TM4SF4: variants seen among roughly 807,000 people sequenced by gnomAD.
TM4SF4 encodes the protein transmembrane 4 L6 family member 4.
A neutral mutation model predicts 24.1 loss-of-function variants in TM4SF4; 24 were observed. That is an observed-to-expected ratio of 1.00 (90% CI 0.72 to 1.40). The LOEUF (loss-of-function observed/expected upper bound fraction) is 1.40. Ranked by LOEUF, TM4SF4 falls within the 40% of genes most tolerant of loss-of-function variation. The pLI, the probability that TM4SF4 is intolerant of heterozygous loss-of-function variation, is 0.00. For synonymous variants in TM4SF4, 113 were observed against 97.0 expected, an observed-to-expected ratio of 1.17 and a Z score of -0.97; for missense variants, 254 against 254.2, an observed-to-expected ratio of 1.00 and a Z score of 0.01.
intron 2 of TM4SF4, among the ~76,000 whole-genome samples, chr3:149,476,404 C>A (rs1360313381): frequency 6.6e-6 from 1 of 152,232 alleles, no homozygotes; most frequent in Non-Finnish European, 1.5e-5. Flanking sequence ...TGAGGCCCAG[C>A]GCCTCTGGCT....
intron 3 of TM4SF4, among the ~76,000 whole-genome samples, chr3:149,492,715 C>T (rs74416039): frequency 2.6e-5 from 4 of 152,184 alleles, no homozygotes; most frequent in East Asian, 3.9e-4. Flanking sequence ...GTTCAGACAC[C>T]GAGACACTGA....
intron 3 of TM4SF4, among the ~76,000 whole-genome samples, chr3:149,498,241 C>T (rs1403366433): frequency 6.6e-6 from 1 of 152,194 alleles, no homozygotes; most frequent in African/African-American, 2.4e-5. Flanking sequence ...GACAAGTCAT[C>T]TGTCAAAAGT....
At chr3:149,485,850 G>T (rs900423728) in intron 2 of TM4SF4, among the ~76,000 whole-genome samples, 8 of 152,168 alleles carry the variant, frequency 5.3e-5, no homozygotes, top group Non-Finnish European at 1.0e-4. Flanking sequence ...TAGAGGCATT[G>T]TGCTGTGATA....
chr3:149,479,856 A>G (rs1734003687), intron 2 of TM4SF4, among the ~76,000 whole-genome samples: 1 of 152,192 alleles, frequency 6.6e-6, no homozygotes, highest in Non-Finnish European at 1.5e-5. Context: ...TTTCTGGAAC[A>G]TTCCCCAGAG....
chr3:149,476,186 C>A (rs1166601303), intron 2 of TM4SF4, among the ~76,000 whole-genome samples: 4 of 152,230 alleles, frequency 2.6e-5, no homozygotes, highest in African/African-American at 9.6e-5. Context: ...GTCCCATATA[C>A]AGAATGCAAG....
intron 2 of TM4SF4, among the ~76,000 whole-genome samples, chr3:149,483,869 G>A (rs1341159309): frequency 6.6e-6 from 1 of 151,024 alleles, no homozygotes; most frequent in Non-Finnish European, 1.5e-5. Flanking sequence ...CAACCCGTGC[G>A]TCCCATGCTG....
intron 3 of TM4SF4, among the ~76,000 whole-genome samples, chr3:149,492,683 G>A (rs1734233406): frequency 6.6e-6 from 1 of 152,100 alleles, no homozygotes; most frequent in Non-Finnish European, 1.5e-5. Context: ...TCAAGGGCAA[G>A]GAGAGCACCC....
chr3:149,476,790 C>CT (rs1733936072), intron 2 of TM4SF4, among the ~76,000 whole-genome samples: 1 of 124,906 alleles, frequency 8.0e-6, no homozygotes, highest in Non-Finnish European at 1.8e-5. Flanking sequence ...TTTTTCTTTT[C>CT]TGTTTTTTTT....
At chr3:149,494,643 C>G (rs1476718672) in intron 3 of TM4SF4, 1 of 152,226 alleles carries the variant, frequency 6.6e-6, no homozygotes, top group African/African-American at 2.4e-5. Flanking sequence ...GAAAACCACC[C>G]CTAAATCAAA....
At chr3:149,484,794 C>T (rs950598667) in intron 2 of TM4SF4, among the ~76,000 whole-genome samples, 3 of 152,114 alleles carry the variant, frequency 2.0e-5, no homozygotes, top group Admixed American at 1.3e-4. Context: ...CCTCGTGATC[C>T]ACCAGCCTCG....
At chr3:149,481,277 A>AAGGGAACAGG (rs1734028908) in intron 2 of TM4SF4, among the ~76,000 whole-genome samples, 1 of 126,766 alleles carries the variant, frequency 7.9e-6, no homozygotes. Flanking sequence ...CATTTGGTGT[A>AAGGGAACAGG]AGGGAAGTAC....
chr3:149,498,815 C>CCA lies in TM4SF4; in HGVS notation c.495_496insCA (p.Val166GlnfsTer2). 1 of 1,613,974 alleles carries CCA rather than the reference C, an allele frequency of 6.2e-7. No homozygotes were observed. On this transcript the variant is annotated frameshift_variant, in exon 4 of 5. Transcript: ENST00000305354. LOFTEE classifies it high-confidence loss of function. The stretch of plus-strand genomic sequence containing the variant: ...TGACCCTCTTCTCCATCCTGCTGGT[C>CCA]GTAGGAGGAATCCAGATGGTTCTCT...
intron 2 of TM4SF4, among the ~76,000 whole-genome samples, chr3:149,478,657 C>A (rs556763391): frequency 1.3e-5 from 2 of 152,224 alleles, no homozygotes; most frequent in Non-Finnish European, 2.9e-5. Context: ...ACCAGCTGTG[C>A]CAGATTGTAA....
intron 2 of TM4SF4, among the ~76,000 whole-genome samples, chr3:149,486,048 A>G (rs1437362266): frequency 6.6e-6 from 1 of 152,178 alleles, no homozygotes; most frequent in Non-Finnish European, 1.5e-5. Flanking sequence ...TCCAAAATAC[A>G]TTGATATATG....
At chr3:149,485,883 C>G (rs954262229) in intron 2 of TM4SF4, among the ~76,000 whole-genome samples, 3 of 152,090 alleles carry the variant, frequency 2.0e-5, no homozygotes, top group African/African-American at 7.2e-5. Flanking sequence ...ATCTAGAGTA[C>G]AGGGGTTGGA....
chr3:149,476,295 T>C (rs1322447097), intron 2 of TM4SF4, among the ~76,000 whole-genome samples: 1 of 152,172 alleles, frequency 6.6e-6, no homozygotes, highest in Admixed American at 6.5e-5. Flanking sequence ...AATTGCCTCA[T>C]CTGCAAAGGG....
At chr3:149,482,170 C>G (rs933290466) in intron 2 of TM4SF4, among the ~76,000 whole-genome samples, 3 of 151,904 alleles carry the variant, frequency 2.0e-5, no homozygotes, top group African/African-American at 7.3e-5. Flanking sequence ...AAGGCAGGTA[C>G]TTATTAATGA....
At chr3:149,493,582 A>G (rs1734255046) in intron 3 of TM4SF4, among the ~76,000 whole-genome samples, 1 of 152,236 alleles carries the variant, frequency 6.6e-6, no homozygotes, top group Non-Finnish European at 1.5e-5. Context: ...AAGATGATGG[A>G]AAGCAGCTAG....
chr3:149,479,477 G>A (rs1733996719), intron 2 of TM4SF4, among the ~76,000 whole-genome samples: 1 of 151,688 alleles, frequency 6.6e-6, no homozygotes. Flanking sequence ...CTCCTGAGTA[G>A]CTGGTGCTAC....
Sources: allele counts gnomAD v4.1 joint callset (sites outside exome capture counted in the v4.1 genomes callset), GRCh38; gene constraint gnomAD v4.1.1; transcripts MANE v1.5; gene names NCBI Gene and HGNC (gene_info 2026-07-23, HGNC 2026-07-21).